The following LYPD6B variants were observed in gnomAD, a reference collection of about 807,000 sequenced individuals.
LYPD6B encodes the protein LY6/PLAUR domain containing 6B, also known as ly6/PLAUR domain-containing protein 6B.
A neutral mutation model predicts 22.8 loss-of-function variants in LYPD6B; 17 were observed. The ratio of observed to expected loss-of-function variants is 0.75; its 90% CI spans 0.51 to 1.12. LYPD6B has a LOEUF of 1.12. LYPD6B is among the 50% of genes most tolerant of loss of function. The probability of loss-of-function intolerance (pLI) is 0.00; values close to 1 mark genes in which losing one functional copy is unlikely to be tolerated. For missense variants in LYPD6B, 221 were observed against 258.3 expected, an observed-to-expected ratio of 0.86 and a Z score of 0.99; for synonymous variants, 106 against 91.6, an observed-to-expected ratio of 1.16 and a Z score of -0.90.
chr2:149,050,122 T>A (rs903356610), intron 1 of LYPD6B, among the ~76,000 whole-genome samples: 1 of 152,188 alleles, frequency 6.6e-6, no homozygotes, highest in Admixed American at 6.5e-5. Flanking sequence ...TGCTCTGGAC[T>A]CTATTTCTTG....
chr2:149,088,635 A>G (rs1685508869), intron 1 of LYPD6B, among the ~76,000 whole-genome samples: 1 of 152,190 alleles, frequency 6.6e-6, no homozygotes, highest in Non-Finnish European at 1.5e-5. Context: ...GCTCTACCAC[A>G]TGACAGCCCT....
intron 1 of LYPD6B, chr2:149,119,078 A>G (rs1490650403): frequency 6.6e-6 from 1 of 152,216 alleles, no homozygotes; most frequent in Non-Finnish European, 1.5e-5. Flanking sequence ...AATCATGTAT[A>G]ATTCCTTTAT....
chr2:149,197,270 T>G (rs763577664), intron 3 of LYPD6B, among the ~76,000 whole-genome samples: 1 of 152,170 alleles, frequency 6.6e-6, no homozygotes, highest in Non-Finnish European at 1.5e-5. Context: ...TCCCAGCACT[T>G]TGGGAGACCG....
chr2:149,162,507 C>A (rs1690142001), intron 3 of LYPD6B, among the ~76,000 whole-genome samples: 1 of 152,122 alleles, frequency 6.6e-6, no homozygotes, highest in Non-Finnish European at 1.5e-5. Flanking sequence ...CCACACTCAC[C>A]CCTGCTTGCA....
chr2:149,047,337 C>T (rs148313820), intron 1 of LYPD6B, among the ~76,000 whole-genome samples: 82 of 151,890 alleles, frequency 5.4e-4, no homozygotes, highest in African/African-American at 1.7e-3. Flanking sequence ...ACAGTTTTTA[C>T]GCTTGATCTT....
chr2:149,046,673 T>A (rs1683319690), intron 1 of LYPD6B, among the ~76,000 whole-genome samples: 2 of 152,216 alleles, frequency 1.3e-5, no homozygotes, highest in South Asian at 4.2e-4. Context: ...CTCTTTACAT[T>A]TTTTTAGTGA....
chr2:149,075,714 A>G (rs530830947), intron 1 of LYPD6B, among the ~76,000 whole-genome samples: 2 of 152,344 alleles, frequency 1.3e-5, no homozygotes, highest in South Asian at 4.1e-4. Flanking sequence ...CAAAAAGAAA[A>G]GTATAAAGTT....
intron 3 of LYPD6B, among the ~76,000 whole-genome samples, chr2:149,201,192 G>A (rs764994620): frequency 5.3e-5 from 8 of 152,110 alleles, no homozygotes; most frequent in Non-Finnish European, 1.0e-4. Context: ...TCGATTATGT[G>A]GATTCCTTTG....
Position 149,149,107 on chromosome 2 carries a change from A to G in LYPD6B, c.6-11657A>G, listed in dbSNP as rs1689207308. On this transcript the variant is annotated intron_variant, in intron 2 of 6. Coordinates refer to ENST00000409642, the MANE Select transcript of LYPD6B (RefSeq NM_177964.5). Reference sequence around the variant, plus strand: ...GGGGTGCGGGGAGGAAGAACATTCCAGGCATTTGGAGTTACGCAAGAATGA... The same window carrying G: ...GGGGTGCGGGGAGGAAGAACATTCCGGGCATTTGGAGTTACGCAAGAATGA... 2.0e-5 allele frequency among the ~76,000 whole-genome samples: 3 copies of G among 152,298 alleles called. No homozygotes were observed. In the South Asian group the frequency reaches 6.2e-4, roughly 32 times the overall value.
Position 149,214,972 on chromosome 2 carries a change from G to A in LYPD6B, c.*262G>A. On this transcript the variant is annotated 3_prime_UTR_variant, in exon 7 of 7. Coordinates refer to ENST00000409642, the MANE Select transcript of LYPD6B (RefSeq NM_177964.5). ...AAGAGAGCTACGTTTGGGCAGTTCT[G>A]CAGAGAGGATCCTGGCAACTAGTCC... 1 of 475,604 alleles carries A rather than the reference G, an allele frequency of 2.1e-6. No homozygotes were observed. Among genetic ancestry groups the A allele is most frequent in the Non-Finnish European group, 3.8e-6 (1 of 262,890 alleles). The allele number at this position is 475,604 out of a possible 1,614,324, so 29.5% of individuals were successfully genotyped here. A position where few individuals can be genotyped will look rare whatever the true frequency, so the allele number is the denominator to read the frequency against.
At chr2:149,188,438 G>A (rs1692270330) in intron 3 of LYPD6B, among the ~76,000 whole-genome samples, 2 of 152,130 alleles carry the variant, frequency 1.3e-5, no homozygotes, top group South Asian at 2.1e-4. Flanking sequence ...CCCTTGCACC[G>A]AGGGTGGGGA....
At chr2:149,095,308 AT>A (rs1349601965) in intron 1 of LYPD6B, among the ~76,000 whole-genome samples, 3 of 152,266 alleles carry the variant, frequency 2.0e-5, no homozygotes, top group South Asian at 2.1e-4. Flanking sequence ...AAATAAAAAA[AT>A]AAAATAAAAT....
In LYPD6B at chr2:149,056,403, G is replaced by T. The variant is rs75720470; in HGVS notation, c.-67+17602G>T. ...TTCCATTAAAGAGTAACCACTGTCA[G>T]AAGGAAACAGGTGACCAATGTGGGC... On this transcript the variant is annotated intron_variant, in intron 1 of 6. Coordinates refer to ENST00000409642, the MANE Select transcript of LYPD6B (RefSeq NM_177964.5). 4.1e-3 allele frequency among the ~76,000 whole-genome samples: 628 copies of T among 152,282 alleles called. 10 individuals are homozygous for T. The highest frequency in any genetic ancestry group is 0.03 in the East Asian group (155 of 5,174).
chr2:149,107,411 T>A (rs1221222781), intron 1 of LYPD6B, among the ~76,000 whole-genome samples: 1 of 152,218 alleles, frequency 6.6e-6, no homozygotes, highest in African/African-American at 2.4e-5. Flanking sequence ...CCTGGAATTT[T>A]TCATTTAATA....
chr2:149,044,168 C>T (rs1210428439), intron 1 of LYPD6B, among the ~76,000 whole-genome samples: 1 of 151,912 alleles, frequency 6.6e-6, no homozygotes, highest in Non-Finnish European at 1.5e-5. Context: ...CAAAAAAATC[C>T]TCCTAGGATT....
At chr2:149,110,098 T>C (rs1452480935) in intron 1 of LYPD6B, among the ~76,000 whole-genome samples, 3 of 152,218 alleles carry the variant, frequency 2.0e-5, no homozygotes, top group African/African-American at 7.2e-5. Flanking sequence ...ATCTCATCTT[T>C]TGTTCTGCAA....
chr2:149,068,063 T>TAA lies in LYPD6B; in HGVS notation c.-67+29262_-67+29263insAA, dbSNP rs1684424588. On this transcript the variant is annotated intron_variant, in intron 1 of 6. Transcript: ENST00000409642. Reference sequence around the variant, plus strand: ...GGTTTTTGTTTTTCGGGCTTCTTTATTGAGACTGGAAAAGTCTTTGCCCAA... The same window carrying TAA: ...GGTTTTTGTTTTTCGGGCTTCTTTATAATGAGACTGGAAAAGTCTTTGCCCAA... Among the ~76,000 whole-genome samples, 4 of 152,216 alleles carry TAA rather than the reference T, an allele frequency of 2.6e-5. No individual in the cohort carries two copies. In the South Asian group the frequency reaches 8.3e-4, roughly 32 times the overall value.
At chr2:149,187,039 G>A (rs1394674235) in intron 3 of LYPD6B, among the ~76,000 whole-genome samples, 1 of 152,150 alleles carries the variant, frequency 6.6e-6, no homozygotes, top group African/African-American at 2.4e-5. Context: ...TCAGATGATA[G>A]GTAGCATTTT....
At chr2:149,121,543 G>T (rs907576579) in intron 1 of LYPD6B, among the ~76,000 whole-genome samples, 4 of 152,212 alleles carry the variant, frequency 2.6e-5, no homozygotes, top group Admixed American at 2.0e-4. Context: ...AGTCACAGAA[G>T]TGTGTGCAGG....
Sources: gnomAD v4.1 joint callset for allele counts (sites outside exome capture counted in the v4.1 genomes callset) on GRCh38, gnomAD v4.1.1 for gene constraint, MANE v1.5 for transcripts, NCBI Gene and HGNC (gene_info 2026-07-23, HGNC 2026-07-21) for gene names.